Variants in DENND2B observed in about 807,000 individuals in gnomAD.
DENND2B encodes DENN domain-containing protein 2B.
Under a neutral mutation model 116.0 loss-of-function variants are expected in DENND2B, and 32 were observed. The ratio of observed to expected loss-of-function variants is 0.28; its 90% confidence interval spans 0.21 to 0.37. The LOEUF is 0.37. Ranked by LOEUF, DENND2B falls within the 10% of genes least tolerant of loss-of-function variation. DENND2B has a pLI of 1.00. For synonymous variants in DENND2B, 588 were observed against 583.9 expected (o/e 1.01, Z -0.10); for missense variants, 1,276 against 1,477.7 (o/e 0.86, Z 2.24).
intron 3 of DENND2B, among the ~76,000 whole-genome samples, chr11:8,840,582 C>A (rs528296350): frequency 6.6e-6 from 1 of 152,108 alleles, no homozygotes; most frequent in South Asian, 2.1e-4. Flanking sequence ...TTTGGAGAAC[C>A]AAACAGGATA....
intron 11 of DENND2B, chr11:8,708,131 G>A (rs751455887): frequency 1.9e-5 from 26 of 1,363,962 alleles, no homozygotes; most frequent in Admixed American, 2.9e-5. Flanking sequence ...GGACGCTGAC[G>A]GGGGCTGGCA....
chr11:8,775,160 C>T (rs965627109), intron 1 of DENND2B, among the ~76,000 whole-genome samples: 1 of 152,092 alleles, frequency 6.6e-6, no homozygotes, highest in Non-Finnish European at 1.5e-5. Context: ...AGATTACAGA[C>T]GTGGGCCACT....
chr11:8,698,340 C>T (rs1003738485), intron 16 of DENND2B, among the ~76,000 whole-genome samples: 1 of 151,912 alleles, frequency 6.6e-6, no homozygotes, highest in Non-Finnish European at 1.5e-5. Context: ...ACTGTTGTTT[C>T]GTCTCTATAC....
chr11:8,901,847 T>C (rs1259047577), intron 1 of DENND2B, among the ~76,000 whole-genome samples: 1 of 152,232 alleles, frequency 6.6e-6, no homozygotes, highest in African/African-American at 2.4e-5. Context: ...TCAGTCCTTT[T>C]AAATTCATTG....
chr11:8,765,198 G>T (rs1461592301), intron 1 of DENND2B, among the ~76,000 whole-genome samples: 1 of 152,150 alleles, frequency 6.6e-6, no homozygotes, highest in Non-Finnish European at 1.5e-5. Flanking sequence ...AGCTGAGACT[G>T]CAGAGAAAGA....
At chr11:8,796,428 A>C (rs1212689088) in intron 1 of DENND2B, among the ~76,000 whole-genome samples, 1 of 152,166 alleles carries the variant, frequency 6.6e-6, no homozygotes, top group African/African-American at 2.4e-5. Flanking sequence ...AATCCCAGCT[A>C]CATGGGAGGC....
intron 2 of DENND2B, among the ~76,000 whole-genome samples, chr11:8,860,668 T>G (rs1053051350): frequency 2.0e-5 from 3 of 152,110 alleles, no homozygotes; most frequent in Non-Finnish European, 4.4e-5. Context: ...ACTAACATCA[T>G]TTTCGAAAAT....
intron 2 of DENND2B, among the ~76,000 whole-genome samples, chr11:8,878,215 G>T (rs935157427): frequency 6.6e-6 from 1 of 152,256 alleles, no homozygotes; most frequent in East Asian, 1.9e-4. Context: ...AATCAGTTTG[G>T]TGGTTCCTCA....
intron 1 of DENND2B, among the ~76,000 whole-genome samples, chr11:8,754,601 T>G (rs188974689): frequency 6.6e-6 from 1 of 152,312 alleles, no homozygotes; most frequent in Admixed American, 6.5e-5. Context: ...AAAATATATG[T>G]CCACACAATC....
chr11:8,790,796 C>T lies in DENND2B; in HGVS notation c.-26+19721G>A, dbSNP rs573635284. Reference sequence around the variant, plus strand: ...TCTCAAAGAAAAATTCTGTTTAAGCCCCTGGCTGATGGAGCAGAAATGATG... The same window carrying T: ...TCTCAAAGAAAAATTCTGTTTAAGCTCCTGGCTGATGGAGCAGAAATGATG... On this transcript the variant is annotated intron_variant, in intron 1 of 19. Transcript: ENST00000313726. Among the ~76,000 whole-genome samples the T allele has an allele frequency of 1.1e-4, 16 of 152,096 alleles. No individual in the cohort carries two copies. The South Asian group carries it at 3.3e-3, about 32-fold the overall frequency.
At chr11:8,750,568 ACCC>A in intron 2 of DENND2B, 50 bp downstream of exon 2, 1 of 1,495,878 alleles carries the variant, frequency 6.7e-7, no homozygotes, top group Non-Finnish European at 9.3e-7. Flanking sequence ...GAGGGATCCC[ACCC>A]AGGACCTAGG....
intron 1 of DENND2B, among the ~76,000 whole-genome samples, chr11:8,778,666 G>C (rs951071951): frequency 1.3e-5 from 2 of 152,230 alleles, no homozygotes; most frequent in Non-Finnish European, 2.9e-5. Flanking sequence ...CACGTACCCG[G>C]GGGCTGGGAG....
intron 1 of DENND2B, among the ~76,000 whole-genome samples, chr11:8,906,697 T>G (rs1286777345): frequency 6.6e-6 from 1 of 152,176 alleles, no homozygotes; most frequent in East Asian, 1.9e-4. Flanking sequence ...GAAGTTTGAT[T>G]CATTTTCTTT....
intron 4 of DENND2B, among the ~76,000 whole-genome samples, chr11:8,834,181 C>T (rs2062326861): frequency 6.6e-6 from 1 of 152,202 alleles, no homozygotes; most frequent in African/African-American, 2.4e-5. Flanking sequence ...TTTTCAGTCA[C>T]CTGGAACCTA....
At chr11:8,700,914 T>C (rs1041372042) in intron 14 of DENND2B, among the ~76,000 whole-genome samples, 20 of 152,108 alleles carry the variant, frequency 1.3e-4, no homozygotes, top group Admixed American at 3.9e-4. Flanking sequence ...CTCCACCTCC[T>C]GGATTCAAGC....
chr11:8,889,577 G>A (rs575051345), intron 1 of DENND2B, among the ~76,000 whole-genome samples: 3 of 152,312 alleles, frequency 2.0e-5, no homozygotes, highest in African/African-American at 4.8e-5. Context: ...CTTAGCAAAC[G>A]GCACAACAGG....
chr11:8,710,973 C>T (rs761837338), intron 10 of DENND2B, 59 bp from the exon 11 acceptor site: 15 of 1,599,708 alleles, frequency 9.4e-6, no homozygotes, highest in Non-Finnish European at 1.2e-5. Flanking sequence ...AAACAGCCCC[C>T]AAGAATAGGG....
At chr11:8,894,823 TTG>T (rs1417671313) in intron 1 of DENND2B, among the ~76,000 whole-genome samples, 1 of 152,154 alleles carries the variant, frequency 6.6e-6, no homozygotes, top group Non-Finnish European at 1.5e-5. Context: ...AGTTCAAACA[TTG>T]TGGAAGAGAG....
rs549309246 is a variant in DENND2B, at chr11:8,855,050, G to A, written c.-156+2293C>T. Among the ~76,000 whole-genome samples the A allele has an allele frequency of 2.9e-4, 30 of 103,570 alleles. No homozygotes were observed. The South Asian group carries it at 0.013, about 45-fold the overall frequency. 67.9% of individuals were successfully genotyped at this position (103,570 alleles called of 152,430 possible). ...TCCTAGCTACTCAAGAGGCTGAGGT[G>A]GAAAAGATCACTTGAGCCCAGAAGG... is the stretch of plus-strand genomic sequence containing the variant. On this transcript the variant is annotated intron_variant, in intron 3 of 6. Coordinates refer to the DENND2B transcript ENST00000524757.
Sources: gnomAD v4.1 joint callset for allele counts (sites outside exome capture counted in the v4.1 genomes callset) on GRCh38, gnomAD v4.1.1 for gene constraint, MANE v1.5 for transcripts, NCBI Gene and HGNC (gene_info 2026-07-23, HGNC 2026-07-21) for gene names.